PDE4A: variants seen among roughly 807,000 people sequenced by gnomAD.
PDE4A encodes 3',5'-cyclic-AMP phosphodiesterase 4A.
PDE4A carries 21 observed loss-of-function variants against 73.9 expected under a neutral mutation model. The ratio of observed to expected loss-of-function variants is 0.28; its 90% CI spans 0.20 to 0.41. The LOEUF is 0.41. Among genes scored for constraint, PDE4A ranks in the 10% least tolerant of loss-of-function variants. The pLI, the probability that PDE4A is intolerant of heterozygous loss-of-function variation, is 1.00. For synonymous variants in PDE4A, 463 were observed against 505.4 expected, an observed-to-expected ratio of 0.92 and a Z score of 1.13; for missense variants, 958 against 1,211.4, an observed-to-expected ratio of 0.79 and a Z score of 3.10.
chr19:10,438,423 T>C (rs544866450), intron 1 of PDE4A, among the ~76,000 whole-genome samples: 1 of 151,986 alleles, frequency 6.6e-6, no homozygotes, highest in Non-Finnish European at 1.5e-5. Context: ...GACTTTTTAA[T>C]GTTCTCAGAC....
intron 1 of PDE4A, chr19:10,432,583 G>A: frequency 6.6e-7 from 1 of 1,514,376 alleles, no homozygotes; most frequent in Non-Finnish European, 8.8e-7. Flanking sequence ...TGGGTGGCCC[G>A]TGGCCAGTCA....
rs779365981 is a variant in PDE4A, at chr19:10,459,590, C to A, written c.1201-5C>A. 16 of 1,613,542 alleles carry A rather than the reference C, an allele frequency of 9.9e-6. No individual in the cohort carries two copies. Among genetic ancestry groups the A allele is most frequent in the Non-Finnish European group, 1.4e-5 (16 of 1,179,682 alleles). ...GGTCACCACCCTGCCCCTGCCTGCT[C>A]TCAGGAGCGGGACCTGCTGAAGAAA... On this transcript the variant is annotated splice_polypyrimidine_tract_variant and splice_region_variant and intron_variant, in intron 9 of 14. Coordinates refer to ENST00000380702, the MANE Select transcript of PDE4A (RefSeq NM_001111307.2).
intron 1 of PDE4A, among the ~76,000 whole-genome samples, chr19:10,425,294 C>A (rs1015954809): frequency 6.6e-6 from 1 of 152,112 alleles, no homozygotes. Context: ...ACATGGCAGC[C>A]CTGCCCGCTG....
At chr19:10,462,093 C>A in intron 13 of PDE4A, 94 bp downstream of exon 13, 1 of 997,834 alleles carries the variant, frequency 1.0e-6, no homozygotes, top group Non-Finnish European at 1.5e-6. Context: ...CAGCCTCTTT[C>A]TCCCAAGTGG....
At chr19:10,464,085 G>C in intron 14 of PDE4A, 110 bp downstream of exon 14, 1 of 1,402,540 alleles carries the variant, frequency 7.1e-7, no homozygotes, top group Middle Eastern at 1.8e-4. Context: ...ACAATGCCAA[G>C]TTGTCCTGTT....
chr19:10,452,006 G>A (rs1008775337), intron 6 of PDE4A, among the ~76,000 whole-genome samples: 1 of 144,684 alleles, frequency 6.9e-6, no homozygotes, highest in African/African-American at 2.6e-5. Context: ...TGGGTCTGAG[G>A]ATGTTTCTGC....
rs1165402317 is a variant in PDE4A at position 10,432,623 on chromosome 19, G to A, written c.320+11539G>A. On this transcript the variant is annotated intron_variant, in intron 1 of 14. Transcript: ENST00000380702. ...TCTCTTTTAATACTGAAGGGCACTG[G>A]CTGTGCTGGGGGGGTGGGGGTGCTG... The A allele has an allele frequency of 3.4e-6, 5 of 1,474,368 alleles. 1 individual carries two copies. The highest frequency in any genetic ancestry group is 4.5e-6 in the Non-Finnish European group (5 of 1,105,608). 91.3% of individuals were successfully genotyped at this position (1,474,368 alleles called of 1,614,324 possible). A position where few individuals can be genotyped will look rare whatever the true frequency, so the allele number is the denominator to read the frequency against.
At chr19:10,441,847 G>A (rs1361946082) in intron 1 of PDE4A, among the ~76,000 whole-genome samples, 7 of 151,258 alleles carry the variant, frequency 4.6e-5, no homozygotes, top group Non-Finnish European at 7.4e-5. Context: ...CCACCACTAC[G>A]CCCGGCTAAT....
rs540573267 is a variant in PDE4A at position 10,430,121 on chromosome 19, G to A, written c.320+9037G>A. On this transcript the variant is annotated intron_variant, in intron 1 of 14. Transcript: ENST00000380702. ...TGATGGGGAGCTCTGGAGGAATTTT[G>A]GGACATCTGAGGAACTGTGGTGGGG... Among the ~76,000 whole-genome samples, 169 of 152,122 alleles carry A rather than the reference G, an allele frequency of 1.1e-3. 1 individual carries two copies. The highest frequency in any genetic ancestry group is 4.0e-3 in the African/African-American group (168 of 41,486).
intron 1 of PDE4A, chr19:10,432,622 G>A (rs975940348): frequency 1.3e-5 from 19 of 1,476,668 alleles, no homozygotes; most frequent in South Asian, 1.3e-5. Flanking sequence ...GAAGGGCACT[G>A]GCTGTGCTGG....
upstream of PDE4A, chr19:10,418,834 A>G (rs887297175): frequency 9.1e-5 from 90 of 984,804 alleles, no homozygotes; most frequent in African/African-American, 1.5e-3. Context: ...AGGACTCTCA[A>G]ATATGATCTG....
In PDE4A at chr19:10,453,416, G is replaced by A. The variant is rs2043125066; in HGVS notation, c.784-1413G>A. On this transcript the variant is annotated intron_variant, in intron 6 of 14. Transcript: ENST00000380702. The surrounding 1 kb of genome is among the most constrained non-coding windows in gnomAD (Gnocchi z 4.6). ...CTTGTGTGTGCAGCTGTGCACGTGT[G>A]TGGCCTGGAGATGAAGCCTTGTGAC... The A allele has an allele frequency of 2.1e-6, 3 of 1,454,098 alleles. No homozygotes were observed. Among genetic ancestry groups the A allele is most frequent in the Non-Finnish European group, 1.8e-6 (2 of 1,085,584 alleles). The allele number at this position is 1,454,098 out of a possible 1,614,324, so 90.1% of individuals were successfully genotyped here.
intron 2 of PDE4A, 27 bp downstream of exon 2, chr19:10,446,436 G>C: frequency 6.3e-7 from 1 of 1,594,916 alleles, no homozygotes; most frequent in East Asian, 2.3e-5. Context: ...CCACATGCCA[G>C]TTCCCCCAGG....
chr19:10,417,815 G>T (rs1253132687), upstream of PDE4A: 1 of 1,557,502 alleles, frequency 6.4e-7, no homozygotes, highest in African/African-American at 1.4e-5. Flanking sequence ...CCACCACCCT[G>T]CCGCTGCTGA....
Position 10,453,120 on chromosome 19 carries a change from C to A in PDE4A, c.784-1709C>A. 7.3e-7 allele frequency: 1 copy of A among 1,372,484 alleles called. No homozygotes were observed. Among genetic ancestry groups the A allele is most frequent in the South Asian group, 1.7e-5 (1 of 59,310 alleles). 85.0% of individuals were successfully genotyped at this position (1,372,484 alleles called of 1,614,324 possible). ...CGCGGAGGGGAAGGGAGCCCCCAGC[C>A]CTGCTGGGCCGGCCCAGGCCCCTCC... is the stretch of plus-strand genomic sequence containing the variant. On this transcript the variant is annotated intron_variant, in intron 6 of 14. Transcript: ENST00000380702. The surrounding 1 kb of genome is among the most constrained non-coding windows in gnomAD (Gnocchi z 4.6).
intron 1 of PDE4A, among the ~76,000 whole-genome samples, chr19:10,435,818 C>T (rs1400805624): frequency 6.6e-6 from 1 of 152,142 alleles, no homozygotes; most frequent in Non-Finnish European, 1.5e-5. Flanking sequence ...GGGTGACTCT[C>T]CATGGCTCAG....
intron 1 of PDE4A, among the ~76,000 whole-genome samples, chr19:10,422,547 C>T (rs550841233): frequency 1.3e-4 from 20 of 152,246 alleles, no homozygotes; most frequent in Admixed American, 4.6e-4. Flanking sequence ...ATCACCAAGA[C>T]GGTCAGATTT....
intron 1 of PDE4A, among the ~76,000 whole-genome samples, chr19:10,437,027 G>A (rs2042874233): frequency 6.6e-6 from 1 of 152,118 alleles, no homozygotes; most frequent in Non-Finnish European, 1.5e-5. Flanking sequence ...GACAGAGTGA[G>A]ACTCCATCTC....
At chr19:10,416,775 T>C, upstream of PDE4A, 1 of 1,480,922 alleles carries the variant, frequency 6.8e-7, no homozygotes, top group Admixed American at 2.2e-5. Flanking sequence ...TCCGCTGACG[T>C]CACGCCCCAG....
Sources: gnomAD v4.1 joint callset for allele counts (sites outside exome capture counted in the v4.1 genomes callset) on GRCh38, gnomAD v4.1.1 for gene constraint, Gnocchi (gnomAD v3.1) non-coding constraint, MANE v1.5 for transcripts, NCBI Gene and HGNC (gene_info 2026-07-23, HGNC 2026-07-21) for gene names.